Variants in CDC14A observed in about 807,000 individuals in gnomAD.
CDC14A encodes cell division cycle 14A.
Under a neutral mutation model 74.4 loss-of-function variants are expected in CDC14A, and 53 were observed. That is an observed-to-expected ratio of 0.71 (90% confidence interval 0.57 to 0.89). The LOEUF is 0.89. CDC14A is among the 40% of genes least tolerant of loss of function. The probability of loss-of-function intolerance (pLI) is 0.00; values close to 1 mark genes in which losing one functional copy is unlikely to be tolerated. For synonymous variants in CDC14A, 247 were observed against 258.4 expected (o/e 0.96, Z 0.43); for missense variants, 646 against 713.7 (o/e 0.91, Z 1.08).
intron 15 of CDC14A, among the ~76,000 whole-genome samples, chr1:100,501,228 C>T (rs2101452390): frequency 6.6e-6 from 1 of 152,310 alleles, no homozygotes; most frequent in Admixed American, 6.5e-5. Flanking sequence ...TACTTTCCAG[C>T]AGGCATTGAG....
chr1:100,412,742 A>ATATATATATATTT (rs1557732559), intron 4 of CDC14A, among the ~76,000 whole-genome samples: 1 of 108,052 alleles, frequency 9.3e-6, no homozygotes, highest in African/African-American at 4.9e-5. Context: ...TATATATTTT[A>ATATATATATATTT]TATATATATA....
At chr1:100,501,614 A>G (rs138186351) in intron 15 of CDC14A, among the ~76,000 whole-genome samples, 1 of 152,226 alleles carries the variant, frequency 6.6e-6, no homozygotes, top group African/African-American at 2.4e-5. Context: ...TGTATATACT[A>G]TACTGTACTT....
intron 10 of CDC14A, among the ~76,000 whole-genome samples, chr1:100,474,777 T>C (rs982191749): frequency 4.6e-5 from 7 of 152,034 alleles, no homozygotes; most frequent in African/African-American, 1.7e-4. Flanking sequence ...GTTTCATTAA[T>C]TTTCTCCTTA....
chr1:100,480,006 A>C (rs1013151541), intron 10 of CDC14A, among the ~76,000 whole-genome samples: 4 of 152,188 alleles, frequency 2.6e-5, no homozygotes, highest in African/African-American at 7.2e-5. Context: ...GTATAACATA[A>C]ACCTTACAAT....
At chr1:100,395,162 C>T (rs563809465) in intron 4 of CDC14A, among the ~76,000 whole-genome samples, 1 of 152,254 alleles carries the variant, frequency 6.6e-6, no homozygotes, top group African/African-American at 2.4e-5. Flanking sequence ...TAAGACAAAC[C>T]TTTTTCTCAA....
In CDC14A at chr1:100,519,914, G is replaced by A. The variant is rs1650548813; in HGVS notation, c.*1634G>A. ...ATAAAAAGTAATTCAGATGACATTT[G>A]AGAAGTAGGGGAAAGGGAATCATGT... On this transcript the variant is annotated 3_prime_UTR_variant, in exon 16 of 16. Transcript: ENST00000336454. 1 of 152,218 alleles carries A rather than the reference G, an allele frequency of 6.6e-6. No individual in the cohort carries two copies. Among genetic ancestry groups the A allele is most frequent in the Non-Finnish European group, 1.5e-5 (1 of 67,922 alleles). 9.4% of individuals were successfully genotyped at this position (152,218 alleles called of 1,614,324 possible). A position where few individuals can be genotyped will look rare whatever the true frequency, so the allele number is the denominator to read the frequency against.
chr1:100,364,636 G>T (rs2100907490), intron 2 of CDC14A, among the ~76,000 whole-genome samples: 1 of 152,304 alleles, frequency 6.6e-6, no homozygotes, highest in African/African-American at 2.4e-5. Context: ...TTCTAACAAA[G>T]CTTTGCATAT....
At chr1:100,470,395 A>G (rs897370795) in intron 10 of CDC14A, among the ~76,000 whole-genome samples, 3 of 151,774 alleles carry the variant, frequency 2.0e-5, no homozygotes, top group Non-Finnish European at 4.4e-5. Flanking sequence ...AAGGGTGTCT[A>G]CTCTCACTAC....
Position 100,519,906 on chromosome 1 carries a change from T to C in CDC14A, c.*1626T>C, listed in dbSNP as rs1283422739. 1 of 152,200 alleles carries C rather than the reference T, an allele frequency of 6.6e-6. No individual in the cohort carries two copies. The highest frequency in any genetic ancestry group is 2.4e-5 in the African/African-American group (1 of 41,438). 9.4% of individuals were successfully genotyped at this position (152,200 alleles called of 1,614,324 possible). A position where few individuals can be genotyped will look rare whatever the true frequency, so the allele number is the denominator to read the frequency against. ...AAGTTATCATAAAAAGTAATTCAGA[T>C]GACATTTGAGAAGTAGGGGAAAGGG... is the stretch of plus-strand genomic sequence containing the variant. On this transcript the variant is annotated 3_prime_UTR_variant, in exon 16 of 16. Transcript: ENST00000336454.
At chr1:100,386,127 A>G (rs999866747) in intron 3 of CDC14A, among the ~76,000 whole-genome samples, 4 of 151,944 alleles carry the variant, frequency 2.6e-5, no homozygotes, top group African/African-American at 9.7e-5. Flanking sequence ...AGATCATGCC[A>G]CTGTATTCCA....
chr1:100,498,532 A>G (rs1308188759), intron 14 of CDC14A, among the ~76,000 whole-genome samples: 1 of 152,202 alleles, frequency 6.6e-6, no homozygotes, highest in African/African-American at 2.4e-5. Context: ...ACTAACCAAA[A>G]TGGGTAGGGA....
chr1:100,466,475 G>A (rs1342529976), intron 9 of CDC14A, among the ~76,000 whole-genome samples: 1 of 152,052 alleles, frequency 6.6e-6, no homozygotes, highest in African/African-American at 2.4e-5. Flanking sequence ...CTCACTCTTC[G>A]AAAGAACATT....
upstream of CDC14A, among the ~76,000 whole-genome samples, chr1:100,348,627 G>A (rs772090787): frequency 9.2e-5 from 14 of 152,194 alleles, no homozygotes; most frequent in Non-Finnish European, 1.8e-4. Context: ...TGTAATATAA[G>A]ACAATGTAGA....
Position 100,474,499 on chromosome 1 carries a change from A to G in CDC14A, c.977+6405A>G, listed in dbSNP as rs111816306. Among the ~76,000 whole-genome samples the G allele has an allele frequency of 4.5e-4, 68 of 152,160 alleles. 1 individual carries two copies. The highest frequency in any genetic ancestry group is 1.0e-3 in the African/African-American group (43 of 41,542). On this transcript the variant is annotated intron_variant, in intron 10 of 15. Coordinates refer to ENST00000336454, the MANE Select transcript of CDC14A (RefSeq NM_003672.4). ...ATTATGAATTCAATTTCCTTAATAG[A>G]TATAAGGCTATTTGAATAATCCATT...
intron 15 of CDC14A, among the ~76,000 whole-genome samples, chr1:100,505,477 G>T (rs1362227770): frequency 6.6e-6 from 1 of 152,208 alleles, no homozygotes; most frequent in East Asian, 1.9e-4. Context: ...CAAAATATTA[G>T]AATCTAGCTT....
chr1:100,464,916 C>G (rs1571259718), intron 9 of CDC14A, among the ~76,000 whole-genome samples: 2 of 147,616 alleles, frequency 1.4e-5, no homozygotes, highest in South Asian at 2.1e-4. Flanking sequence ...AATTTCTTTT[C>G]TTTTCTTTTC....
intron 8 of CDC14A, chr1:100,462,437 G>C: frequency 5.5e-6 from 3 of 543,690 alleles, no homozygotes; most frequent in Non-Finnish European, 9.9e-6. Context: ...TGTATTTTCA[G>C]TACTTACAGA....
At chr1:100,501,744 G>T (rs528068190) in intron 15 of CDC14A, among the ~76,000 whole-genome samples, 1 of 152,298 alleles carries the variant, frequency 6.6e-6, no homozygotes, top group South Asian at 2.1e-4. Context: ...AGAAATGACA[G>T]CTCCATGTGT....
In CDC14A at chr1:100,418,956, G is replaced by A. The variant is rs150690433; in HGVS notation, c.310-5266G>A. Reference sequence around the variant, plus strand: ...TCCCAGCACTTTGGGAGGCTGAGGCGGGTGGATCACTTGAAGCCAGGAGTT... The same window carrying A: ...TCCCAGCACTTTGGGAGGCTGAGGCAGGTGGATCACTTGAAGCCAGGAGTT... On this transcript the variant is annotated intron_variant, in intron 4 of 15. Transcript: ENST00000336454. 8.7e-3 allele frequency among the ~76,000 whole-genome samples: 1,328 copies of A among 152,254 alleles called. 21 individuals carry two copies. The highest frequency in any genetic ancestry group is 0.032 in the Admixed American group (485 of 15,284).
Sources: allele counts gnomAD v4.1 joint callset (sites outside exome capture counted in the v4.1 genomes callset), GRCh38; gene constraint gnomAD v4.1.1; transcripts MANE v1.5; gene names NCBI Gene and HGNC (gene_info 2026-07-23, HGNC 2026-07-21).